Variants in SLC29A3 observed in about 807,000 individuals in gnomAD.
SLC29A3 encodes the protein equilibrative nucleoside transporter 3.
A neutral mutation model predicts 25.4 loss-of-function variants in SLC29A3; 18 were observed. The observed-to-expected ratio is 0.71, with a 90% confidence interval of 0.49 to 1.05. SLC29A3 has a LOEUF of 1.05. SLC29A3 is among the 50% of genes least tolerant of loss of function. The pLI, the probability that SLC29A3 is intolerant of heterozygous loss-of-function variation, is 0.00. For synonymous variants in SLC29A3, 258 were observed against 267.1 expected (o/e 0.97, Z 0.33); for missense variants, 586 against 609.0 (o/e 0.96, Z 0.40).
chr10:71,354,239 G>C (rs984855324), intron 4 of SLC29A3, among the ~76,000 whole-genome samples: 13 of 152,152 alleles, frequency 8.5e-5, no homozygotes, highest in Admixed American at 7.2e-4. Flanking sequence ...ACAGCCCTAC[G>C]AGGTGGGTAT....
chr10:71,341,151 G>T (rs755252604), intron 2 of SLC29A3, among the ~76,000 whole-genome samples: 1 of 152,104 alleles, frequency 6.6e-6, no homozygotes, highest in Non-Finnish European at 1.5e-5. Flanking sequence ...TCAGGGGAGC[G>T]TCCCCCACCC....
rs545794622 is a variant in SLC29A3 at position 71,377,458 on chromosome 10, C to T, written c.*211+1647C>T. ...CGCTGGCCTCTGGCAGGCAAACAGC[C>T]ACCGGCCACGAAATAGATGGCCGCG... On this transcript the variant is annotated intron_variant and NMD_transcript_variant, in intron 4 of 4. Coordinates refer to the SLC29A3 transcript ENST00000642772. 3.9e-5 allele frequency among the ~76,000 whole-genome samples: 6 copies of T among 152,102 alleles called. No individual in the cohort carries two copies. The South Asian group carries it at 8.3e-4, about 21-fold the overall frequency.
At chr10:71,327,888 C>A (rs940537268) in intron 2 of SLC29A3, among the ~76,000 whole-genome samples, 1 of 152,168 alleles carries the variant, frequency 6.6e-6, no homozygotes, top group Admixed American at 6.5e-5. Flanking sequence ...AGGTCCTCCC[C>A]GGCTCTGGGG....
At chr10:71,367,018 C>T (rs1847175775), downstream of SLC29A3, among the ~76,000 whole-genome samples, 1 of 152,204 alleles carries the variant, frequency 6.6e-6, no homozygotes, top group Non-Finnish European at 1.5e-5. Context: ...TTCTGCCCCA[C>T]CATCAGGTAG....
rs1846892676 is a variant in SLC29A3 at position 71,355,931 on chromosome 10, CT to C, written c.611-149del. The C allele has an allele frequency of 3.5e-6, 3 of 847,156 alleles. No individual in the cohort carries two copies. In the African/African-American group the frequency reaches 5.0e-5, roughly 14 times the overall value. 52.5% of individuals were successfully genotyped at this position (847,156 alleles called of 1,614,324 possible). A position where few individuals can be genotyped will look rare whatever the true frequency, so the allele number is the denominator to read the frequency against. On this transcript the variant is annotated intron_variant, in intron 4 of 5. Coordinates refer to ENST00000373189, the MANE Select transcript of SLC29A3 (RefSeq NM_018344.6). ...TGCTTGGCTGCTGGGCCCTCCCTGT[CT>C]CTGAGGCTTCAGGACACTGAGAGAG...
chr10:71,374,705 G>A (rs1430620668), intron 3 of SLC29A3, among the ~76,000 whole-genome samples: 5 of 152,216 alleles, frequency 3.3e-5, no homozygotes, highest in Non-Finnish European at 7.3e-5. Flanking sequence ...ACCACTTTGA[G>A]TTGGGCCCCT....
At position 71,351,794 on chromosome 10, in the gene SLC29A3, A is replaced by G. The variant is rs1404531907; in HGVS notation, c.610+6A>G. On this transcript the variant is annotated splice_donor_region_variant and intron_variant, in intron 4 of 5. Coordinates refer to ENST00000373189, the MANE Select transcript of SLC29A3 (RefSeq NM_018344.6). ...CTCCCAGGCACTGATATCAGGTGAG[A>G]GCCAGGGTCCGGGCAGCTGACCAGG... 4.4e-6 allele frequency: 7 copies of G among 1,607,182 alleles called. No homozygotes were observed. The highest frequency in any genetic ancestry group is 1.7e-6 in the Non-Finnish European group (2 of 1,177,884).
chr10:71,336,629 A>G (rs958368627), intron 2 of SLC29A3, among the ~76,000 whole-genome samples: 6 of 151,796 alleles, frequency 4.0e-5, no homozygotes, highest in Non-Finnish European at 7.4e-5. Flanking sequence ...CAGCAGAGAA[A>G]GGAACAAGCA....
At chr10:71,366,822 G>A (rs186301420), downstream of SLC29A3, among the ~76,000 whole-genome samples, 3 of 152,334 alleles carry the variant, frequency 2.0e-5, no homozygotes, top group Admixed American at 1.3e-4. Context: ...GCCCATGCAT[G>A]TCTCCACTTG....
chr10:71,339,031 T>A (rs1406201100), intron 2 of SLC29A3, among the ~76,000 whole-genome samples: 4 of 152,198 alleles, frequency 2.6e-5, no homozygotes, highest in African/African-American at 4.8e-5. Context: ...ATGATAAATA[T>A]GTCTCCACCC....
At chr10:71,334,498 C>G (rs903797398) in intron 2 of SLC29A3, among the ~76,000 whole-genome samples, 5 of 152,182 alleles carry the variant, frequency 3.3e-5, no homozygotes, top group African/African-American at 1.2e-4. Flanking sequence ...GGCCTATTAT[C>G]TATTTGTTTA....
intron 2 of SLC29A3, among the ~76,000 whole-genome samples, chr10:71,341,130 C>T (rs1388055738): frequency 6.6e-6 from 1 of 152,170 alleles, no homozygotes; most frequent in Non-Finnish European, 1.5e-5. Flanking sequence ...CGGGGCTTGA[C>T]TCCCCCATCC....
chr10:71,351,038 G>A (rs926157462), intron 3 of SLC29A3, among the ~76,000 whole-genome samples: 6 of 152,200 alleles, frequency 3.9e-5, no homozygotes, highest in Admixed American at 2.0e-4. Flanking sequence ...AGATGACGAC[G>A]ATGATTTTCT....
intron 2 of SLC29A3, among the ~76,000 whole-genome samples, chr10:71,328,682 T>C (rs1454867155): frequency 6.6e-6 from 1 of 152,162 alleles, no homozygotes; most frequent in African/African-American, 2.4e-5. Context: ...ACCCAATCCA[T>C]GATAGTGATG....
intron 2 of SLC29A3, among the ~76,000 whole-genome samples, chr10:71,324,540 C>A (rs1845922859): frequency 6.6e-6 from 1 of 152,194 alleles, no homozygotes; most frequent in South Asian, 2.1e-4. Context: ...CTAGGACTTA[C>A]ACAGTCTACT....
At chr10:71,375,285 G>A (rs185206385) in intron 3 of SLC29A3, among the ~76,000 whole-genome samples, 2 of 152,246 alleles carry the variant, frequency 1.3e-5, no homozygotes, top group African/African-American at 4.8e-5. Context: ...GTGAAGTGCT[G>A]GTACTGTGCT....
At chr10:71,348,445 G>C (rs1410538333) in intron 3 of SLC29A3, among the ~76,000 whole-genome samples, 1 of 152,220 alleles carries the variant, frequency 6.6e-6, no homozygotes, top group African/African-American at 2.4e-5. Context: ...TATTTGTCAG[G>C]GGTTACACGG....
chr10:71,364,854 T>G (rs557635298), downstream of SLC29A3: 3 of 152,330 alleles, frequency 2.0e-5, no homozygotes, highest in South Asian at 2.1e-4. Context: ...CCCCCTTGGT[T>G]TTTTCATTGA....
At chr10:71,346,370 A>G (rs946875) in intron 3 of SLC29A3, among the ~76,000 whole-genome samples, 105,030 of 152,004 alleles carry the variant, frequency 0.69, 37,084 homozygotes, top group Non-Finnish European at 0.76. Context: ...AAACAGGCTC[A>G]TGGAGGTGAC....
Sources: gnomAD v4.1 joint callset for allele counts (sites outside exome capture counted in the v4.1 genomes callset) on GRCh38, gnomAD v4.1.1 for gene constraint, MANE v1.5 for transcripts, NCBI Gene and HGNC (gene_info 2026-07-23, HGNC 2026-07-21) for gene names.